The following RPS6KA6 variants were observed in gnomAD, a reference collection of about 807,000 sequenced individuals.
RPS6KA6 encodes the protein ribosomal protein S6 kinase alpha-6.
In RPS6KA6, 27 loss-of-function variants were observed where a neutral mutation model predicts 65.4. The ratio of observed to expected loss-of-function variants is 0.41; its 90% CI spans 0.30 to 0.57. The LOEUF is 0.57. Ranked by LOEUF, RPS6KA6 falls within the 20% of genes least tolerant of loss-of-function variation. The probability of loss-of-function intolerance (pLI) is 0.24; values close to 1 mark genes in which losing one functional copy is unlikely to be tolerated. For synonymous variants in RPS6KA6, 190 were observed against 184.2 expected (o/e 1.03, Z -0.26); for missense variants, 486 against 555.6 (o/e 0.87, Z 1.26).
intron 1 of RPS6KA6, among the ~76,000 whole-genome samples, chrX:84,184,530 A>G (rs767824513): frequency 7.2e-5 from 8 of 111,771 alleles, no homozygotes; most frequent in Non-Finnish European, 1.1e-4. Context: ...GGTAACGTGG[A>G]TTGTGTCACA....
chrX:84,182,777 C>T (rs1380707955), intron 1 of RPS6KA6, among the ~76,000 whole-genome samples: 1 of 111,612 alleles, frequency 9.0e-6, no homozygotes, highest in Admixed American at 9.5e-5. Context: ...GACTCCTCCC[C>T]GCTTGTCTAT....
At chrX:84,179,864 T>C (rs1288300617) in intron 1 of RPS6KA6, among the ~76,000 whole-genome samples, 6 of 112,246 alleles carry the variant, frequency 5.3e-5, no homozygotes, top group African/African-American at 1.6e-4. Context: ...TGAAATGTAA[T>C]TGTTTCCAAC....
intron 3 of RPS6KA6, among the ~76,000 whole-genome samples, chrX:84,154,909 C>T (rs1010576344): frequency 4.5e-5 from 5 of 112,138 alleles, no homozygotes; most frequent in Non-Finnish European, 9.4e-5. Flanking sequence ...ACTAATACTG[C>T]TTATACATTG....
chrX:84,092,442 T>C (rs929925456), intron 20 of RPS6KA6, among the ~76,000 whole-genome samples: 1 of 109,753 alleles, frequency 9.1e-6, no homozygotes, highest in Non-Finnish European at 1.9e-5. Flanking sequence ...GCCAACATGA[T>C]GAAAGATCAT....
chrX:84,064,271 C>G lies in RPS6KA6; in HGVS notation c.*6G>C, dbSNP rs773627369. On this transcript the variant is annotated 3_prime_UTR_variant, in exon 22 of 22. Coordinates refer to ENST00000262752, the MANE Select transcript of RPS6KA6 (RefSeq NM_014496.5). ...CATCCAGTTTGGCCTAGGAACACCA[C>G]AAATCTTACAGGCCAGTTGATGTTC... 1.0e-5 allele frequency: 12 copies of G among 1,204,548 alleles called. No homozygotes were observed. The East Asian group carries it at 1.5e-4, about 15-fold the overall frequency.
chrX:84,064,550 A>C, intron 21 of RPS6KA6, 148 bp from the exon 22 acceptor site: 1 of 483,143 alleles, frequency 2.1e-6, no homozygotes, highest in South Asian at 6.1e-5. Flanking sequence ...TGCACTGATG[A>C]ATCAATATTA....
At chrX:84,180,766 A>G (rs1251553482) in intron 1 of RPS6KA6, among the ~76,000 whole-genome samples, 1 of 111,975 alleles carries the variant, frequency 8.9e-6, no homozygotes, top group Non-Finnish European at 1.9e-5. Context: ...CTGATCTAAT[A>G]TGGTTGCTAA....
rs746166987 is a variant in RPS6KA6 at position 84,123,799 on chromosome X, C to T, written c.647-3772G>A. ...AAAGGAAGGACACAAACCTGTTTGG[C>T]CTTAACATCTGCTGACTGTAGAGCA... On this transcript the variant is annotated intron_variant, in intron 8 of 21. Transcript: ENST00000262752. Among the ~76,000 whole-genome samples, 14 of 111,915 alleles carry T rather than the reference C, an allele frequency of 1.3e-4. No homozygotes were observed. In the South Asian group the frequency reaches 5.2e-3, roughly 42 times the overall value.
intron 6 of RPS6KA6, among the ~76,000 whole-genome samples, chrX:84,142,463 G>A (rs900736727): frequency 9.0e-6 from 1 of 110,872 alleles, no homozygotes; most frequent in Non-Finnish European, 1.9e-5. Context: ...ACCAGAAAAA[G>A]AAAAGCTAAT....
intron 1 of RPS6KA6, among the ~76,000 whole-genome samples, chrX:84,171,594 T>C (rs1420288917): frequency 1.8e-5 from 2 of 112,174 alleles, no homozygotes; most frequent in East Asian, 5.6e-4. Flanking sequence ...TGAGCAGTTC[T>C]ATTTTTGTCC....
chrX:84,156,176 TAACAACTCC>T lies in RPS6KA6; in HGVS notation c.148_156del (p.Gly50_Val52del). Reference sequence around the variant, plus strand: ...ACATGATGAGTAATAGGGATTTCTTTAACAACTCCTTCATCCTGTAAAAAGAAATCCAAA... The same window carrying T: ...ACATGATGAGTAATAGGGATTTCTTTTTCATCCTGTAAAAAGAAATCCAAA... On this transcript the variant is annotated inframe_deletion, in exon 3 of 22. Coordinates refer to ENST00000262752, the MANE Select transcript of RPS6KA6 (RefSeq NM_014496.5). 9.1e-7 allele frequency: 1 copy of T among 1,102,272 alleles called. No individual in the cohort carries two copies. Among genetic ancestry groups the T allele is most frequent in the Non-Finnish European group, 1.3e-6 (1 of 797,323 alleles). 90.8% of individuals were successfully genotyped at this position (1,102,272 alleles called of 1,213,427 possible). A position where few individuals can be genotyped will look rare whatever the true frequency, so the allele number is the denominator to read the frequency against.
chrX:84,092,562 C>A (rs1402868870), intron 20 of RPS6KA6, among the ~76,000 whole-genome samples: 1 of 108,988 alleles, frequency 9.2e-6, no homozygotes, highest in Non-Finnish European at 1.9e-5. Context: ...GCAGAGGTTG[C>A]AGTGAGCCGA....
At chrX:84,160,256 G>A (rs1283551373) in intron 2 of RPS6KA6, among the ~76,000 whole-genome samples, 5 of 110,939 alleles carry the variant, frequency 4.5e-5, no homozygotes, top group Non-Finnish European at 9.5e-5. Flanking sequence ...AAGTATGAAG[G>A]CTCAACCACA....
intron 6 of RPS6KA6, 81 bp from the exon 7 acceptor site, chrX:84,135,291 G>A (rs747941112): frequency 1.6e-6 from 1 of 619,027 alleles, no homozygotes; most frequent in Admixed American, 3.4e-5. Flanking sequence ...AAAATGAGTA[G>A]ACAGACAAAT....
intron 1 of RPS6KA6, among the ~76,000 whole-genome samples, chrX:84,174,455 C>T (rs1201445909): frequency 9.0e-6 from 1 of 111,063 alleles, no homozygotes; most frequent in Non-Finnish European, 1.9e-5. Flanking sequence ...TTAAAAGAGT[C>T]TCAGAATGGG....
chrX:84,064,490 AT>A, intron 21 of RPS6KA6, 88 bp from the exon 22 acceptor site: 1 of 845,346 alleles, frequency 1.2e-6, no homozygotes, highest in East Asian at 3.5e-5. Flanking sequence ...TGAGACATAT[AT>A]CTAGAACAAA....
intron 6 of RPS6KA6, among the ~76,000 whole-genome samples, chrX:84,139,230 G>A (rs1390930627): frequency 1.8e-5 from 2 of 111,770 alleles, no homozygotes; most frequent in South Asian, 3.7e-4. Context: ...CGAGAATGGA[G>A]GTCTGAAGAG....
chrX:84,087,206 T>C (rs1318095114), intron 20 of RPS6KA6, among the ~76,000 whole-genome samples: 1 of 111,127 alleles, frequency 9.0e-6, no homozygotes, highest in African/African-American at 3.3e-5. Flanking sequence ...ATGATGCTAG[T>C]TGGTTATTTT....
At position 84,187,893 on chromosome X, in the gene RPS6KA6, G is replaced by C. The variant is rs2035949062; in HGVS notation, c.7C>G (p.Pro3Ala). The C allele has an allele frequency of 8.3e-7, 1 of 1,197,676 alleles. No homozygotes were observed. Among genetic ancestry groups the C allele is most frequent in the African/African-American group, 1.8e-5 (1 of 56,431 alleles). Reference sequence around the variant, plus strand: ...CAGGGCTCGTCCTGAGGAGCGAATGGTAGCATCTCCCCTTCAGGAGCACTC... The same window carrying C: ...CAGGGCTCGTCCTGAGGAGCGAATGCTAGCATCTCCCCTTCAGGAGCACTC... Reference protein sequence around the residue: MLPFAPQDEPWDR... With the variant: MLAFAPQDEPWDR... Residue 3 changes from proline (P) to alanine (A), a missense_variant, in exon 1 of 22, where the codon CCA becomes GCA. Pro to Ala is a conservative substitution (Grantham distance 27, BLOSUM62 -1). Around this residue, in one of 3 missense-constraint regions of RPS6KA6, gnomAD observed 106 missense variants for 105.0 expected, o/e 1.01. Transcript: ENST00000262752.
Sources: gnomAD v4.1 joint callset for allele counts (sites outside exome capture counted in the v4.1 genomes callset) on GRCh38, gnomAD v4.1.1 for gene constraint, gnomAD v4.1.1 regional missense constraint, MANE v1.5 for transcripts, NCBI Gene and HGNC (gene_info 2026-07-23, HGNC 2026-07-21) for gene names.